CALN1: variants seen among roughly 807,000 people sequenced by gnomAD.
CALN1 encodes calcium-binding protein 8.
A neutral mutation model predicts 30.6 loss-of-function variants in CALN1; 17 were observed. The observed-to-expected ratio is 0.56, with a 90% CI of 0.38 to 0.83. The LOEUF (loss-of-function observed/expected upper bound fraction) is 0.83. Among genes scored for constraint, CALN1 ranks in the 40% least tolerant of loss-of-function variants. The pLI is 0.00. For missense variants in CALN1, 291 were observed against 354.9 expected, an observed-to-expected ratio of 0.82 and a Z score of 1.45; for synonymous variants, 156 against 131.4, an observed-to-expected ratio of 1.19 and a Z score of -1.28.
intron 4 of CALN1, among the ~76,000 whole-genome samples, chr7:72,032,260 G>GTGTTAGCCAGGA (rs1554417214): frequency 6.7e-6 from 1 of 150,370 alleles, no homozygotes; most frequent in Non-Finnish European, 1.5e-5. Context: ...GGGTTTCATC[G>GTGTTAGCCAGGA]TGGTCTCGAT....
At chr7:72,443,133 C>T (rs961375106) in intron 1 of CALN1, among the ~76,000 whole-genome samples, 2 of 152,196 alleles carry the variant, frequency 1.3e-5, no homozygotes, top group Non-Finnish European at 1.5e-5. Context: ...GGACCTCGTC[C>T]TCCTCCTCGG....
chr7:71,953,611 T>C (rs759847821), intron 5 of CALN1, among the ~76,000 whole-genome samples: 2 of 152,150 alleles, frequency 1.3e-5, no homozygotes, highest in East Asian at 1.9e-4. Context: ...ACCTTCATAA[T>C]AGCTCTTTTG....
At chr7:72,500,269 C>CTTTTTTTT in the CALN1 span, among the ~76,000 whole-genome samples, 1,735 of 51,374 alleles carry the variant, frequency 0.034, 453 homozygotes, top group Middle Eastern at 0.062. Flanking sequence ...TTCGTTCCTT[C>CTTTTTTTT]TTTTTTTTTT....
At chr7:72,107,209 G>T (rs1316741613) in intron 3 of CALN1, among the ~76,000 whole-genome samples, 1 of 152,102 alleles carries the variant, frequency 6.6e-6, no homozygotes, top group Non-Finnish European at 1.5e-5. Context: ...CCTCTTAACT[G>T]CAGTCCTCAG....
At chr7:72,184,350 C>A (rs1316063621) in intron 3 of CALN1, among the ~76,000 whole-genome samples, 1 of 152,198 alleles carries the variant, frequency 6.6e-6, no homozygotes, top group East Asian at 1.9e-4. Flanking sequence ...GTTTCCCCAT[C>A]TTTAAATGCA....
At chr7:71,830,609 A>C (rs766744203) in intron 5 of CALN1, among the ~76,000 whole-genome samples, 5 of 152,082 alleles carry the variant, frequency 3.3e-5, no homozygotes, top group African/African-American at 4.8e-5. Context: ...CGGCCTCCCA[A>C]AGTGTTGGGA....
intron 2 of CALN1, among the ~76,000 whole-genome samples, chr7:72,286,183 C>G (rs962661160): frequency 1.3e-5 from 2 of 152,202 alleles, no homozygotes; most frequent in African/African-American, 4.8e-5. Context: ...TCTTCTGTTT[C>G]AGGGACTTAG....
chr7:72,043,875 G>A (rs985318173), intron 4 of CALN1, among the ~76,000 whole-genome samples: 1 of 152,198 alleles, frequency 6.6e-6, no homozygotes, highest in Non-Finnish European at 1.5e-5. Context: ...ACATGGCTGG[G>A]GAGGCCTCAC....
At chr7:72,457,004 C>CTTTTTTTTTTTTTTTTTTTTTTTTTT in the CALN1 span, among the ~76,000 whole-genome samples, 1 of 106,604 alleles carries the variant, frequency 9.4e-6, no homozygotes, top group Non-Finnish European at 1.8e-5. Flanking sequence ...TTCTTTCTTT[C>CTTTTTTTTTTTTTTTTTTTTTTTTTT]TTTTTTTTTT....
chr7:72,152,342 G>C (rs1787318424), intron 3 of CALN1, among the ~76,000 whole-genome samples: 1 of 152,132 alleles, frequency 6.6e-6, no homozygotes, highest in Admixed American at 6.5e-5. Flanking sequence ...TGGCTTCAAG[G>C]CCTTCCCTCT....
At chr7:71,811,727 G>A (rs1787972436) in intron 5 of CALN1, among the ~76,000 whole-genome samples, 1 of 149,060 alleles carries the variant, frequency 6.7e-6, no homozygotes, top group Admixed American at 6.8e-5. Flanking sequence ...CTCGCAGGCT[G>A]GAGTGCAGTG....
the CALN1 span, among the ~76,000 whole-genome samples, chr7:72,477,281 T>C: frequency 1.3e-5 from 2 of 152,024 alleles, no homozygotes; most frequent in African/African-American, 2.4e-5. Context: ...TGAGATCTGA[T>C]GAGTAGAATT....
the CALN1 span, among the ~76,000 whole-genome samples, chr7:72,493,642 T>A: frequency 1.3e-5 from 2 of 152,216 alleles, no homozygotes; most frequent in Non-Finnish European, 2.9e-5. Flanking sequence ...CCTGGCCGAT[T>A]AATTATTCTT....
At chr7:72,077,430 C>A (rs1027083696) in intron 4 of CALN1, among the ~76,000 whole-genome samples, 13 of 152,102 alleles carry the variant, frequency 8.5e-5, no homozygotes, top group African/African-American at 3.1e-4. Context: ...TACACCATCA[C>A]GCCCAGCTAA....
At chr7:72,394,831 A>AT (rs1235910688) in intron 2 of CALN1, among the ~76,000 whole-genome samples, 1 of 151,498 alleles carries the variant, frequency 6.6e-6, no homozygotes, top group Non-Finnish European at 1.5e-5. Flanking sequence ...GTTTTATTTT[A>AT]TTTTTTTGTA....
upstream of CALN1, among the ~76,000 whole-genome samples, chr7:72,415,822 G>T (rs941634293): frequency 6.6e-6 from 1 of 152,148 alleles, no homozygotes. Context: ...GCTACTGGAC[G>T]GTGACACCGC....
intron 4 of CALN1, among the ~76,000 whole-genome samples, chr7:72,072,023 A>G (rs138351606): frequency 1.3e-5 from 2 of 152,330 alleles, no homozygotes; most frequent in East Asian, 1.9e-4. Flanking sequence ...AACAGAACAT[A>G]AAGTATGTGT....
chr7:72,317,738 T>G (rs2129556991), intron 2 of CALN1, among the ~76,000 whole-genome samples: 1 of 152,254 alleles, frequency 6.6e-6, no homozygotes, highest in South Asian at 2.1e-4. Context: ...AGGAGAACAT[T>G]ACTTCCAGTC....
chr7:72,414,146 G>A (rs946213669), upstream of CALN1, among the ~76,000 whole-genome samples: 2 of 152,242 alleles, frequency 1.3e-5, no homozygotes, highest in East Asian at 1.9e-4. Flanking sequence ...GAGGCAGACC[G>A]TGGGAAGATC....
Sources: gnomAD v4.1 joint callset for allele counts (sites outside exome capture counted in the v4.1 genomes callset) on GRCh38, gnomAD v4.1.1 for gene constraint, MANE v1.5 for transcripts, NCBI Gene and HGNC (gene_info 2026-07-23, HGNC 2026-07-21) for gene names.